SLC35D4: variants seen among roughly 807,000 people sequenced by gnomAD.
The protein encoded by SLC35D4 is solute carrier family 35 member D4.
the SLC35D4 span, among the ~76,000 whole-genome samples, chr18:23,408,816 C>CTTTTTTTTTTTTTTTTTTTTTTTTT: frequency 8.7e-6 from 1 of 114,836 alleles, no homozygotes; most frequent in Non-Finnish European, 1.9e-5. Flanking sequence ...TCTTATCTCT[C>CTTTTTTTTTTTTTTTTTTTTTTTTT]TTTTTTTTTT....
the SLC35D4 span, among the ~76,000 whole-genome samples, chr18:23,419,619 C>T: frequency 6.6e-6 from 1 of 152,058 alleles, no homozygotes; most frequent in Admixed American, 6.6e-5. Flanking sequence ...ATTTAAAAGG[C>T]TGTTTTAATA....
the SLC35D4 span, among the ~76,000 whole-genome samples, chr18:23,337,337 T>C: frequency 3.3e-5 from 5 of 151,842 alleles, no homozygotes; most frequent in African/African-American, 1.2e-4. Flanking sequence ...TAGCTGGGCA[T>C]GGTGGCGGGC....
the SLC35D4 span, among the ~76,000 whole-genome samples, chr18:23,418,266 C>T: frequency 6.6e-6 from 1 of 151,680 alleles, no homozygotes; most frequent in African/African-American, 2.4e-5. Context: ...TAATGTACAC[C>T]TATGTTCCCA....
chr18:23,335,363 C>T, the SLC35D4 span, among the ~76,000 whole-genome samples: 1 of 152,246 alleles, frequency 6.6e-6, no homozygotes, highest in East Asian at 1.9e-4. Flanking sequence ...GCTGCTTCAT[C>T]TAGGTCTGCT....
the SLC35D4 span, among the ~76,000 whole-genome samples, chr18:23,384,009 G>GGT: frequency 7.3e-6 from 1 of 136,662 alleles, no homozygotes; most frequent in Non-Finnish European, 1.6e-5. Context: ...ATTGGGGGGG[G>GGT]GGGGTGTGAT....
chr18:23,260,648 G>A, the SLC35D4 span, among the ~76,000 whole-genome samples: 3 of 151,958 alleles, frequency 2.0e-5, no homozygotes, highest in Non-Finnish European at 4.4e-5. Context: ...GTGCATTTGA[G>A]CCAGGTGGTT....
chr18:23,240,831 GATGCCT>G, the SLC35D4 span, among the ~76,000 whole-genome samples: 3 of 152,228 alleles, frequency 2.0e-5, no homozygotes, highest in Non-Finnish European at 4.4e-5. Flanking sequence ...CAGACTCTGA[GATGCCT>G]CTGCTGAATG....
chr18:23,317,049 G>A, the SLC35D4 span, among the ~76,000 whole-genome samples: 1 of 152,088 alleles, frequency 6.6e-6, no homozygotes, highest in Non-Finnish European at 1.5e-5. Flanking sequence ...TGAGTCCTGT[G>A]GCACTCTCCT....
At chr18:23,371,935 G>GTTTTTTTTGTTTTTTTTTTTTT in the SLC35D4 span, among the ~76,000 whole-genome samples, 3 of 35,478 alleles carry the variant, frequency 8.5e-5, no homozygotes, top group East Asian at 1.8e-3. Flanking sequence ...TGTTTTTTTT[G>GTTTTTTTTGTTTTTTTTTTTTT]TTTTTTTTTT....
At chr18:23,314,449 T>A in the SLC35D4 span, among the ~76,000 whole-genome samples, 1 of 152,204 alleles carries the variant, frequency 6.6e-6, no homozygotes, top group Non-Finnish European at 1.5e-5. Context: ...CCTACTGCAA[T>A]GTGCTTACCC....
chr18:23,358,969 G>A, the SLC35D4 span, among the ~76,000 whole-genome samples: 3 of 152,222 alleles, frequency 2.0e-5, no homozygotes, highest in East Asian at 5.8e-4. Context: ...GGAAGAGGTT[G>A]CAGCGTGTGG....
chr18:23,291,194 G>A, the SLC35D4 span, among the ~76,000 whole-genome samples: 2 of 152,332 alleles, frequency 1.3e-5, 1 homozygote. Flanking sequence ...CTGGGCTGAG[G>A]TCAGCTGCAG....
the SLC35D4 span, among the ~76,000 whole-genome samples, chr18:23,346,306 T>C: frequency 5.2e-4 from 79 of 152,096 alleles, no homozygotes; most frequent in Non-Finnish European, 7.6e-4. Flanking sequence ...ACTACTTTTC[T>C]TATTTTTTGT....
chr18:23,281,332 C>CT, the SLC35D4 span, among the ~76,000 whole-genome samples: 2 of 151,698 alleles, frequency 1.3e-5, no homozygotes, highest in African/African-American at 2.4e-5. Context: ...ATTTATTTTA[C>CT]TTTTTTTTGA....
the SLC35D4 span, among the ~76,000 whole-genome samples, chr18:23,345,157 T>C: frequency 6.6e-6 from 1 of 152,064 alleles, no homozygotes; most frequent in African/African-American, 2.4e-5. Context: ...GGTTTGTATA[T>C]GGATATCTGA....
chr18:23,347,814 T>A, the SLC35D4 span, among the ~76,000 whole-genome samples: 1 of 152,200 alleles, frequency 6.6e-6, no homozygotes, highest in Non-Finnish European at 1.5e-5. Context: ...TTCTACATTA[T>A]TTTTCTGTTT....
chr18:23,403,572 C>A, the SLC35D4 span, among the ~76,000 whole-genome samples: 4 of 152,052 alleles, frequency 2.6e-5, no homozygotes, highest in Admixed American at 2.6e-4. Flanking sequence ...GGGTAGGGAG[C>A]GAATAATATG....
At chr18:23,258,126 T>C in the SLC35D4 span, 1 of 152,306 alleles carries the variant, frequency 6.6e-6, no homozygotes, top group African/African-American at 2.4e-5. Context: ...GAGTTCTGAG[T>C]GTTGGATGAG....
chr18:23,284,061 G>C, the SLC35D4 span, among the ~76,000 whole-genome samples: 5 of 152,208 alleles, frequency 3.3e-5, no homozygotes, highest in Non-Finnish European at 7.3e-5. Flanking sequence ...GCTGGTGAGA[G>C]TGTGTTTTAG....
Sources: gnomAD v4.1 joint callset for allele counts (sites outside exome capture counted in the v4.1 genomes callset) on GRCh38, gnomAD v4.1.1 for gene constraint, MANE v1.5 for transcripts, NCBI Gene and HGNC (gene_info 2026-07-23, HGNC 2026-07-21) for gene names.